UNC79: variants seen among roughly 807,000 people sequenced by gnomAD.
The protein encoded by UNC79 is unc-79 subunit of NALCN channel complex.
Under a neutral mutation model 283.1 loss-of-function variants are expected in UNC79, and 37 were observed. The observed-to-expected ratio is 0.13, with a 90% CI of 0.10 to 0.17. The LOEUF (loss-of-function observed/expected upper bound fraction) is 0.17, where lower values mean the gene tolerates loss of function less well. Among genes scored for constraint, UNC79 ranks in the 10% least tolerant of loss-of-function variants. The probability of loss-of-function intolerance (pLI) is 1.00; values close to 1 mark genes in which losing one functional copy is unlikely to be tolerated. For synonymous variants in UNC79, 1,107 were observed against 1,200.2 expected (o/e 0.92, Z 1.61); for missense variants, 2,272 against 3,211.1 (o/e 0.71, Z 7.07).
chr14:93,482,499 C>A (rs1049221176), intron 4 of UNC79, among the ~76,000 whole-genome samples: 2 of 152,136 alleles, frequency 1.3e-5, no homozygotes, highest in Non-Finnish European at 2.9e-5. Context: ...TCATGGAACA[C>A]AATTACCTCT....
intron 1 of UNC79, among the ~76,000 whole-genome samples, chr14:93,349,210 G>A (rs112596884): frequency 0.072 from 10,959 of 152,222 alleles, 819 homozygotes; most frequent in African/African-American, 0.19. Flanking sequence ...GAAGTCAGCG[G>A]GACCAAGAAC....
chr14:93,605,379 C>T (rs1293282015), intron 26 of UNC79, among the ~76,000 whole-genome samples: 4 of 152,316 alleles, frequency 2.6e-5, no homozygotes, highest in Middle Eastern at 6.8e-3. Context: ...CGCTCATCCC[C>T]TTAGCCATTC....
chr14:93,633,035 G>T (rs1596158126), intron 31 of UNC79, among the ~76,000 whole-genome samples: 3 of 152,060 alleles, frequency 2.0e-5, no homozygotes, highest in South Asian at 2.1e-4. Flanking sequence ...GAGAATTGAA[G>T]AAATTATTCA....
At chr14:93,567,324 C>T (rs913703891) in intron 14 of UNC79, among the ~76,000 whole-genome samples, 5 of 152,220 alleles carry the variant, frequency 3.3e-5, no homozygotes, top group South Asian at 2.1e-4. Context: ...CTCCCAGGTT[C>T]AAGCGATTCT....
At chr14:93,668,992 AAAAAAAAAAAG>A (rs1468065802) in intron 40 of UNC79, among the ~76,000 whole-genome samples, 1 of 148,936 alleles carries the variant, frequency 6.7e-6, no homozygotes, top group East Asian at 1.9e-4. Flanking sequence ...AAAAAAAAAA[AAAAAAAAAAAG>A]AATATGCAAG....
intron 40 of UNC79, among the ~76,000 whole-genome samples, chr14:93,664,681 G>A (rs1156399618): frequency 6.6e-6 from 1 of 152,160 alleles, no homozygotes; most frequent in Non-Finnish European, 1.5e-5. Flanking sequence ...AGTCTCCCTT[G>A]AAAATTAGTA....
chr14:93,523,040 TAAG>T (rs1410751254), intron 7 of UNC79, among the ~76,000 whole-genome samples: 11 of 152,174 alleles, frequency 7.2e-5, no homozygotes, highest in Non-Finnish European at 1.6e-4. Flanking sequence ...TCCCACGTAT[TAAG>T]AATAGGCCAA....
At chr14:93,493,625 G>T (rs1213084054) in intron 5 of UNC79, among the ~76,000 whole-genome samples, 1 of 152,038 alleles carries the variant, frequency 6.6e-6, no homozygotes, top group Non-Finnish European at 1.5e-5. Context: ...TGGGTTTCTG[G>T]ATGCACTAAC....
At chr14:93,424,208 GC>G (rs912845173) in intron 1 of UNC79, among the ~76,000 whole-genome samples, 1 of 152,028 alleles carries the variant, frequency 6.6e-6, no homozygotes, top group Non-Finnish European at 1.5e-5. Context: ...CAAAAGTCAG[GC>G]AAAAACAAAT....
chr14:93,696,891 A>G (rs958016023), intron 47 of UNC79, among the ~76,000 whole-genome samples: 7 of 152,224 alleles, frequency 4.6e-5, no homozygotes, highest in East Asian at 1.9e-4. Context: ...AGTGTTATCT[A>G]TGTTTTCACT....
intron 35 of UNC79, among the ~76,000 whole-genome samples, chr14:93,648,971 G>A (rs74073859): frequency 9.9e-5 from 15 of 152,260 alleles, no homozygotes; most frequent in East Asian, 3.9e-4. Context: ...GTGTGCGTGC[G>A]TGTGTATAGC....
At position 93,448,140 on chromosome 14, in the gene UNC79, A is replaced by G. The variant is rs556638496; in HGVS notation, c.22+17089A>G. 4.1e-5 allele frequency among the ~76,000 whole-genome samples: 6 copies of G among 147,332 alleles called. No individual in the cohort carries two copies. The South Asian group carries it at 8.7e-4, about 21-fold the overall frequency. On this transcript the variant is annotated intron_variant, in intron 1 of 48. Transcript: ENST00000555664. ...ACACATATGTACCTCTTACTGTTTG[A>G]TACTACCTAACCCACCTCTGAGACT... is the stretch of plus-strand genomic sequence containing the variant.
At chr14:93,333,521 A>G in exon 1 of UNC79, 1 of 398,320 alleles carries the variant, frequency 2.5e-6, no homozygotes, top group Non-Finnish European at 4.4e-6. Context: ...GCACTTGTCT[A>G]TCGTAAGCAC....
intron 14 of UNC79, among the ~76,000 whole-genome samples, chr14:93,560,502 C>T (rs1161386030): frequency 2.0e-5 from 3 of 151,890 alleles, no homozygotes; most frequent in African/African-American, 4.8e-5. Flanking sequence ...TACGGAAGGT[C>T]GTGATAGAGG....
chr14:93,606,678 T>G (rs140628198), intron 26 of UNC79, among the ~76,000 whole-genome samples: 1 of 152,212 alleles, frequency 6.6e-6, no homozygotes, highest in Non-Finnish European at 1.5e-5. Context: ...TTAAATTTAA[T>G]TGCTGTTTAG....
intron 48 of UNC79, among the ~76,000 whole-genome samples, chr14:93,704,890 C>A (rs1217497880): frequency 6.6e-6 from 1 of 152,098 alleles, no homozygotes; most frequent in African/African-American, 2.4e-5. Flanking sequence ...GGTGAGGATG[C>A]AGTGGAGGGC....
intron 14 of UNC79, among the ~76,000 whole-genome samples, chr14:93,554,695 C>T (rs559770170): frequency 9.9e-5 from 15 of 152,262 alleles, no homozygotes; most frequent in African/African-American, 3.6e-4. Flanking sequence ...CTAGCTCATA[C>T]ACAGAATTTC....
chr14:93,479,227 CCTTT>C lies in UNC79; in HGVS notation c.619+1501_619+1504del, dbSNP rs1427397165. On this transcript the variant is annotated intron_variant, in intron 4 of 48. Transcript: ENST00000555664. ...TCCTTCCTTCCTTCCTTCCTTCCTT[CCTTT>C]CCTTCCTTCCTCCTTCCCTCCCTTT... Among the ~76,000 whole-genome samples the C allele has an allele frequency of 4.2e-5, 6 of 143,608 alleles. No individual in the cohort carries two copies. The South Asian group carries it at 1.3e-3, about 32-fold the overall frequency. The allele number at this position is 143,608 out of a possible 152,430, so 94.2% of individuals were successfully genotyped here.
At chr14:93,438,883 G>C (rs2056193321) in intron 1 of UNC79, among the ~76,000 whole-genome samples, 3 of 151,848 alleles carry the variant, frequency 2.0e-5, no homozygotes. Flanking sequence ...ATTTGTTCAA[G>C]TCTGTGCCTT....
Sources: gnomAD v4.1 joint callset for allele counts (sites outside exome capture counted in the v4.1 genomes callset) on GRCh38, gnomAD v4.1.1 for gene constraint, MANE v1.5 for transcripts, NCBI Gene and HGNC (gene_info 2026-07-23, HGNC 2026-07-21) for gene names.